FBXO36: variants seen among roughly 807,000 people sequenced by gnomAD.
FBXO36 encodes F-box protein 36.
In FBXO36, 18 loss-of-function variants were observed where a neutral mutation model predicts 17.0. The ratio of observed to expected loss-of-function variants is 1.06; its 90% CI spans 0.73 to 1.57. FBXO36 has a LOEUF of 1.57. Among genes scored for constraint, FBXO36 ranks in the 40% most tolerant of loss-of-function variants. The pLI is 0.00. For missense variants in FBXO36, 229 were observed against 221.9 expected (o/e 1.03, Z -0.20); for synonymous variants, 83 against 85.3 (o/e 0.97, Z 0.15).
At chr2:229,949,696 C>T (rs1195658666) in intron 1 of FBXO36, among the ~76,000 whole-genome samples, 4 of 151,764 alleles carry the variant, frequency 2.6e-5, no homozygotes, top group Non-Finnish European at 4.4e-5. Flanking sequence ...GAGGCCAAGG[C>T]GGGCGGATCA....
At chr2:229,926,093 C>T (rs534807815) in intron 1 of FBXO36, among the ~76,000 whole-genome samples, 11 of 148,290 alleles carry the variant, frequency 7.4e-5, no homozygotes, top group African/African-American at 2.5e-4. Context: ...AGTTTCAGAC[C>T]AGCCTGGGCA....
At chr2:229,973,050 ACT>A (rs1367729220) in intron 1 of FBXO36, among the ~76,000 whole-genome samples, 11 of 150,262 alleles carry the variant, frequency 7.3e-5, no homozygotes, top group Admixed American at 6.7e-5. Flanking sequence ...ACAGAGCAAG[ACT>A]CTGTCTCAAA....
intron 1 of FBXO36, among the ~76,000 whole-genome samples, chr2:229,933,725 G>A (rs561405973): frequency 2.6e-5 from 4 of 152,052 alleles, no homozygotes; most frequent in Non-Finnish European, 4.4e-5. Flanking sequence ...TTGCTCTGTC[G>A]CCCAGGCTGG....
chr2:229,948,632 C>T (rs765039905), intron 1 of FBXO36, among the ~76,000 whole-genome samples: 12 of 151,956 alleles, frequency 7.9e-5, no homozygotes, highest in Non-Finnish European at 1.5e-4. Flanking sequence ...TGTGACTACA[C>T]AGAAGAGTCT....
chr2:229,989,056 C>T (rs2077285105), intron 2 of FBXO36, among the ~76,000 whole-genome samples: 2 of 151,948 alleles, frequency 1.3e-5, no homozygotes, highest in African/African-American at 4.8e-5. Context: ...GTGCACAGAT[C>T]ATTTCAGTGT....
chr2:229,976,011 C>A (rs1167799359), intron 1 of FBXO36, among the ~76,000 whole-genome samples: 1 of 152,086 alleles, frequency 6.6e-6, no homozygotes, highest in Non-Finnish European at 1.5e-5. Flanking sequence ...CCCGGCCGAC[C>A]TGATCGATTT....
chr2:229,932,461 A>G (rs930727612), intron 1 of FBXO36, among the ~76,000 whole-genome samples: 9 of 152,228 alleles, frequency 5.9e-5, no homozygotes, highest in South Asian at 2.1e-4. Context: ...TGGAGGTTGC[A>G]GTGAGCCAAG....
At chr2:229,973,059 C>G (rs1447379632) in intron 1 of FBXO36, among the ~76,000 whole-genome samples, 1 of 112,514 alleles carries the variant, frequency 8.9e-6, no homozygotes, top group Non-Finnish European at 1.9e-5. Flanking sequence ...GACTCTGTCT[C>G]AAAAAAAAAA....
intron 1 of FBXO36, among the ~76,000 whole-genome samples, chr2:229,937,569 C>T (rs1162095218): frequency 3.9e-5 from 6 of 152,170 alleles, no homozygotes; most frequent in African/African-American, 1.4e-4. Context: ...GACAAAGCTC[C>T]TACCGTATTC....
intron 1 of FBXO36, among the ~76,000 whole-genome samples, chr2:229,947,252 G>C (rs777838511): frequency 6.6e-6 from 1 of 152,148 alleles, no homozygotes; most frequent in Non-Finnish European, 1.5e-5. Context: ...AGGGTTTTAT[G>C]TAGGTTGTGA....
rs2077087066 is a variant in FBXO36, at chr2:229,956,335, A to G, written c.97-19906A>G. ...CTCTGGGCATACACATTGTCGGGGC[A>G]AAGGGAACTTTCCCATCACCCTCTG... is the stretch of plus-strand genomic sequence containing the variant. On this transcript the variant is annotated intron_variant, in intron 1 of 3. Transcript: ENST00000283946. Among the ~76,000 whole-genome samples the G allele has an allele frequency of 3.9e-5, 6 of 152,300 alleles. No homozygotes were observed. The South Asian group carries it at 1.2e-3, about 32-fold the overall frequency.
intron 1 of FBXO36, among the ~76,000 whole-genome samples, chr2:229,932,086 G>T (rs578116393): frequency 1.3e-5 from 2 of 151,748 alleles, no homozygotes; most frequent in Admixed American, 6.6e-5. Flanking sequence ...GCCCAGCTAA[G>T]AAAGTAGTGT....
intron 2 of FBXO36, among the ~76,000 whole-genome samples, chr2:229,986,931 G>A (rs1416123157): frequency 6.6e-6 from 1 of 151,748 alleles, no homozygotes; most frequent in Non-Finnish European, 1.5e-5. Context: ...ACATTACAGA[G>A]ACTCTGGCTG....
At chr2:229,949,542 C>CACACAA (rs2077044106) in intron 1 of FBXO36, among the ~76,000 whole-genome samples, 1 of 128,400 alleles carries the variant, frequency 7.8e-6, no homozygotes, top group Admixed American at 8.0e-5. Context: ...AATGTATACA[C>CACACAA]ACACACACAC....
chr2:229,935,211 C>A (rs539222241), intron 1 of FBXO36, among the ~76,000 whole-genome samples: 3 of 152,206 alleles, frequency 2.0e-5, no homozygotes, highest in African/African-American at 7.2e-5. Flanking sequence ...CTCTGACCAA[C>A]CCCCTGGATT....
chr2:229,953,016 A>G (rs2077065060), intron 1 of FBXO36, among the ~76,000 whole-genome samples: 1 of 151,362 alleles, frequency 6.6e-6, no homozygotes, highest in African/African-American at 2.4e-5. Flanking sequence ...TACTGTGTTC[A>G]TTTTGCCATG....
chr2:229,924,760 C>CT (rs2154386811), intron 1 of FBXO36, among the ~76,000 whole-genome samples: 1 of 151,612 alleles, frequency 6.6e-6, no homozygotes, highest in South Asian at 2.1e-4. Context: ...ATGCCTTCCT[C>CT]TAACTACTCT....
intron 1 of FBXO36, among the ~76,000 whole-genome samples, chr2:229,963,382 A>G (rs565091082): frequency 9.6e-5 from 14 of 145,720 alleles, no homozygotes; most frequent in African/African-American, 3.5e-4. Flanking sequence ...TGTTTTTTTT[A>G]GCTTTTGCCA....
chr2:229,948,149 T>A (rs892830567), intron 1 of FBXO36, among the ~76,000 whole-genome samples: 20 of 151,892 alleles, frequency 1.3e-4, no homozygotes, highest in African/African-American at 1.5e-4. Context: ...AAAAAAAAAA[T>A]TATGTTTTTA....
Sources: gnomAD v4.1 joint callset for allele counts (sites outside exome capture counted in the v4.1 genomes callset) on GRCh38, gnomAD v4.1.1 for gene constraint, MANE v1.5 for transcripts, NCBI Gene and HGNC (gene_info 2026-07-23, HGNC 2026-07-21) for gene names.